The following CDH4 variants were observed in gnomAD, a reference collection of about 807,000 sequenced individuals.
The protein encoded by CDH4 is cadherin 4, also known as cadherin-4.
A neutral mutation model predicts 86.0 loss-of-function variants in CDH4; 33 were observed. The observed-to-expected ratio is 0.38, with a 90% CI of 0.29 to 0.51. CDH4 has a LOEUF of 0.51. Among genes scored for constraint, CDH4 ranks in the 20% least tolerant of loss-of-function variants. CDH4 has a pLI of 0.86. For missense variants in CDH4, 1,114 were observed against 1,307.4 expected, an observed-to-expected ratio of 0.85 and a Z score of 2.28; for synonymous variants, 555 against 549.4, an observed-to-expected ratio of 1.01 and a Z score of -0.14.
intron 2 of CDH4, among the ~76,000 whole-genome samples, chr20:61,644,219 G>A (rs2145805854): frequency 6.6e-6 from 1 of 152,346 alleles, no homozygotes; most frequent in East Asian, 1.9e-4. Context: ...CCAAGGTCAA[G>A]GCTCCGTCCA....
chr20:61,891,800 T>G (rs1018033369), intron 7 of CDH4, among the ~76,000 whole-genome samples: 1 of 152,180 alleles, frequency 6.6e-6, no homozygotes, highest in Non-Finnish European at 1.5e-5. Flanking sequence ...CTCCCAGCCC[T>G]GCCCTCAGTT....
intron 2 of CDH4, among the ~76,000 whole-genome samples, chr20:61,494,219 A>G (rs2085643822): frequency 6.6e-6 from 1 of 152,170 alleles, no homozygotes; most frequent in Admixed American, 6.5e-5. Flanking sequence ...CAAACTCGAG[A>G]GAAGTTTGGT....
rs376844208 is a variant in CDH4 at position 61,936,856 on chromosome 20, C to T, written c.2664C>T (p.Ser888=). The part of the protein sequence containing the change: ...GSVSSLNSSS[S]GDQDYDYLND... The stretch of plus-strand genomic sequence containing the variant: ...TCAGCTCCCTGAACTCATCCAGTTC[C>T]GGGGACCAAGACTACGATTACCTCA... Residue 888 remains serine (S), a synonymous_variant, in exon 16 of 16, where the codon TCC becomes TCT. Transcript: ENST00000614565. 6.2e-5 allele frequency: 100 copies of T among 1,607,890 alleles called. 1 individual carries two copies. The African/African-American group carries it at 9.5e-4, about 15-fold the overall frequency.
intron 2 of CDH4, among the ~76,000 whole-genome samples, chr20:61,443,087 T>A (rs991707227): frequency 1.3e-5 from 2 of 152,188 alleles, no homozygotes; most frequent in African/African-American, 4.8e-5. Flanking sequence ...GAAGACACAC[T>A]TTTCATTTGT....
intron 2 of CDH4, among the ~76,000 whole-genome samples, chr20:61,556,927 A>C (rs1368594653): frequency 1.3e-5 from 2 of 151,908 alleles, no homozygotes; most frequent in Non-Finnish European, 2.9e-5. Context: ...TCCCCGCCTC[A>C]GTTTGGGGCC....
At chr20:61,265,476 G>A (rs977879728) in intron 2 of CDH4, among the ~76,000 whole-genome samples, 1 of 121,500 alleles carries the variant, frequency 8.2e-6, no homozygotes, top group African/African-American at 3.2e-5. Flanking sequence ...ATCTTACACA[G>A]ACCTCAGTGG....
At chr20:61,433,758 T>A (rs1179281112) in intron 2 of CDH4, among the ~76,000 whole-genome samples, 2 of 152,118 alleles carry the variant, frequency 1.3e-5, no homozygotes, top group African/African-American at 4.8e-5. Flanking sequence ...ACAGGGTGGG[T>A]AGGAGGTTCC....
intron 2 of CDH4, among the ~76,000 whole-genome samples, chr20:61,256,756 C>T (rs537726124): frequency 6.6e-6 from 1 of 152,362 alleles, no homozygotes; most frequent in South Asian, 2.1e-4. Context: ...ATCTCCCAAG[C>T]ACCTGAGCAT....
In CDH4 at chr20:61,316,335, C is replaced by T. The variant is rs148528210; in HGVS notation, c.169+61398C>T. On this transcript the variant is annotated intron_variant, in intron 2 of 15. Transcript: ENST00000614565. The stretch of plus-strand genomic sequence containing the variant: ...CGGAGATGGAAAAGGCACTGCGGCC[C>T]GCAGATAGAGACCGCCGCGCTGACC... Among the ~76,000 whole-genome samples the T allele has an allele frequency of 2.5e-3, 375 of 152,326 alleles. 1 individual carries two copies. Among genetic ancestry groups the T allele is most frequent in the African/African-American group, 8.6e-3 (359 of 41,584 alleles).
At chr20:61,403,757 AT>A (rs569384969) in intron 2 of CDH4, among the ~76,000 whole-genome samples, 1 of 151,720 alleles carries the variant, frequency 6.6e-6, no homozygotes, top group East Asian at 1.9e-4. Context: ...GCACGGGACA[AT>A]TTTTTTTGGC....
At chr20:61,397,692 T>G (rs755317725) in intron 2 of CDH4, among the ~76,000 whole-genome samples, 1 of 152,160 alleles carries the variant, frequency 6.6e-6, no homozygotes, top group Non-Finnish European at 1.5e-5. Flanking sequence ...TAGTTTTTGT[T>G]AGAAAAAGAA....
At chr20:61,430,665 C>G (rs1275849288) in intron 2 of CDH4, among the ~76,000 whole-genome samples, 2 of 152,206 alleles carry the variant, frequency 1.3e-5, no homozygotes, top group Non-Finnish European at 2.9e-5. Context: ...GGTGACAGAT[C>G]AGTCGCCAGT....
chr20:61,536,515 C>T (rs2085998357), intron 2 of CDH4, among the ~76,000 whole-genome samples: 1 of 152,044 alleles, frequency 6.6e-6, no homozygotes, highest in Admixed American at 6.6e-5. Flanking sequence ...ATTGATAACC[C>T]ACGAAACTCA....
At chr20:61,643,221 A>G (rs2087029569) in intron 2 of CDH4, among the ~76,000 whole-genome samples, 1 of 152,148 alleles carries the variant, frequency 6.6e-6, no homozygotes, top group Non-Finnish European at 1.5e-5. Flanking sequence ...GTGTAGAGAG[A>G]GCCAGACTGG....
At chr20:61,585,610 G>A (rs965858867) in intron 2 of CDH4, among the ~76,000 whole-genome samples, 3 of 152,246 alleles carry the variant, frequency 2.0e-5, no homozygotes, top group Non-Finnish European at 4.4e-5. Flanking sequence ...GGAGCCATTT[G>A]AGTTGATGAT....
At chr20:61,299,101 C>G (rs904232646) in intron 2 of CDH4, among the ~76,000 whole-genome samples, 1 of 152,146 alleles carries the variant, frequency 6.6e-6, no homozygotes, top group African/African-American at 2.4e-5. Context: ...TAGATGGAAT[C>G]AAGTTAAGAG....
intron 7 of CDH4, among the ~76,000 whole-genome samples, chr20:61,881,545 A>G (rs1984276506): frequency 6.6e-6 from 1 of 152,232 alleles, no homozygotes; most frequent in Non-Finnish European, 1.5e-5. Context: ...CCAGTGGTCA[A>G]TTAGTCGACC....
intron 2 of CDH4, among the ~76,000 whole-genome samples, chr20:61,538,564 G>A (rs1301149974): frequency 1.3e-5 from 2 of 152,184 alleles, no homozygotes; most frequent in East Asian, 3.9e-4. Context: ...GCCTGTCCCT[G>A]CTGGTGCCTC....
chr20:61,911,146 C>T (rs1314277612), intron 9 of CDH4, among the ~76,000 whole-genome samples: 2 of 152,198 alleles, frequency 1.3e-5, no homozygotes, highest in East Asian at 1.9e-4. Flanking sequence ...CTGAATGTTT[C>T]GTCACACTGT....
Sources: allele counts gnomAD v4.1 joint callset (sites outside exome capture counted in the v4.1 genomes callset), GRCh38; gene constraint gnomAD v4.1.1; transcripts MANE v1.5; gene names NCBI Gene and HGNC (gene_info 2026-07-23, HGNC 2026-07-21).